ANKRD13C: variants seen among roughly 807,000 people sequenced by gnomAD.
ANKRD13C encodes ankyrin repeat domain 13C.
ANKRD13C carries 16 observed loss-of-function variants against 65.5 expected under a neutral mutation model. The ratio of observed to expected loss-of-function variants is 0.24; its 90% CI spans 0.17 to 0.37. The LOEUF is 0.37. ANKRD13C is among the 10% of genes least tolerant of loss of function. The pLI is 1.00. For missense variants in ANKRD13C, 503 were observed against 655.9 expected, an observed-to-expected ratio of 0.77 and a Z score of 2.55; for synonymous variants, 235 against 238.7, an observed-to-expected ratio of 0.98 and a Z score of 0.14.
intron 5 of ANKRD13C, among the ~76,000 whole-genome samples, chr1:70,308,422 T>C (rs1680681362): frequency 6.6e-6 from 1 of 150,998 alleles, no homozygotes; most frequent in Non-Finnish European, 1.5e-5. Context: ...AAGTTGAGGA[T>C]TGAGAGCAAA....
chr1:70,337,146 A>AC (rs1682076388), intron 1 of ANKRD13C, among the ~76,000 whole-genome samples: 1 of 145,350 alleles, frequency 6.9e-6, no homozygotes, highest in Non-Finnish European at 1.5e-5. Flanking sequence ...CCATGATTCA[A>AC]ACACACACAC....
At chr1:70,345,461 A>G (rs758402735) in intron 1 of ANKRD13C, among the ~76,000 whole-genome samples, 2 of 152,148 alleles carry the variant, frequency 1.3e-5, no homozygotes, top group Non-Finnish European at 2.9e-5. Context: ...TGTGAAATCT[A>G]AAATCATATA....
Position 70,279,221 on chromosome 1 carries a change from A to AAG in ANKRD13C, c.1216-2379_1216-2378dup, listed in dbSNP as rs150241152. 4.0e-3 allele frequency among the ~76,000 whole-genome samples: 608 copies of AAG among 151,656 alleles called. 3 individuals are homozygous for AAG. Among genetic ancestry groups the AAG allele is most frequent in the African/African-American group, 0.014 (567 of 41,356 alleles). On this transcript the variant is annotated intron_variant, in intron 9 of 12. Transcript: ENST00000370944. Reference sequence around the variant, plus strand: ...GACTCTGTCTCAAAAGAAATTAAAAAAGAGAGAGAGAGAGGGAAGCAGTAA... The same window carrying AAG: ...GACTCTGTCTCAAAAGAAATTAAAAAAGAGAGAGAGAGAGAGGGAAGCAGTAA...
rs112756942 is a variant in ANKRD13C at position 70,336,827 on chromosome 1, C to A, written c.431-728G>T. On this transcript the variant is annotated intron_variant, in intron 1 of 12. Coordinates refer to ENST00000370944, the MANE Select transcript of ANKRD13C (RefSeq NM_030816.5). ...TGATATTGGAATGATGAGCAAAAGA[C>A]AAAGACTTGAAAGCTGTGCTATGAA... Among the ~76,000 whole-genome samples the A allele has an allele frequency of 5.3e-3, 813 of 152,152 alleles. 10 individuals carry two copies. The highest frequency in any genetic ancestry group is 0.019 in the African/African-American group (783 of 41,520).
rs377593975 is a variant in ANKRD13C, at chr1:70,270,965, T to C, written c.1395-9A>G. 5.1e-6 allele frequency: 8 copies of C among 1,561,410 alleles called. No homozygotes were observed. The highest frequency in any genetic ancestry group is 1.7e-5 in the Admixed American group (1 of 58,190). ...CTAAAACATTCAATAATCTGAAAAATGGAAGAAGAAAAAAATGTTTTCATT... is the reference window on the plus strand; with the variant it reads ...CTAAAACATTCAATAATCTGAAAAACGGAAGAAGAAAAAAATGTTTTCATT... On this transcript the variant is annotated splice_polypyrimidine_tract_variant and intron_variant, in intron 11 of 12. Coordinates refer to ENST00000370944, the MANE Select transcript of ANKRD13C (RefSeq NM_030816.5).
intron 1 of ANKRD13C, among the ~76,000 whole-genome samples, chr1:70,351,867 A>C (rs142872139): frequency 0.013 from 2,019 of 152,252 alleles, 19 homozygotes; most frequent in Non-Finnish European, 0.019. Context: ...ACTAAATAAG[A>C]AGCACATTAA....
intron 9 of ANKRD13C, 23 bp from the exon 10 acceptor site, chr1:70,276,867 A>T: frequency 6.4e-7 from 1 of 1,551,928 alleles, no homozygotes; most frequent in Non-Finnish European, 8.7e-7. Flanking sequence ...AAAAAGAAAG[A>T]AAGTGGGGTG....
At chr1:70,352,244 G>A (rs1682771859) in intron 1 of ANKRD13C, among the ~76,000 whole-genome samples, 1 of 150,656 alleles carries the variant, frequency 6.6e-6, no homozygotes, top group South Asian at 2.1e-4. Flanking sequence ...GGAGGCTGAG[G>A]CAGGAGAATG....
intron 7 of ANKRD13C, among the ~76,000 whole-genome samples, chr1:70,299,089 A>AT (rs775082496): frequency 1.3e-5 from 2 of 151,836 alleles, no homozygotes; most frequent in Non-Finnish European, 2.9e-5. Flanking sequence ...TAATAGGAAC[A>AT]TAAGGACAAC....
chr1:70,305,801 AG>A (rs1185725745), intron 6 of ANKRD13C: 1 of 152,216 alleles, frequency 6.6e-6, no homozygotes, highest in East Asian at 1.9e-4. Context: ...ATTAGTAAAC[AG>A]GGGAAGGAAA....
chr1:70,287,873 A>C (rs1457295800), intron 9 of ANKRD13C, among the ~76,000 whole-genome samples: 1 of 152,152 alleles, frequency 6.6e-6, no homozygotes, highest in Non-Finnish European at 1.5e-5. Context: ...ATAAAAAGTT[A>C]ACTGGGCATG....
In ANKRD13C at chr1:70,291,689, C is replaced by A. The variant is rs565373064; in HGVS notation, c.1215+699G>T. On this transcript the variant is annotated intron_variant, in intron 9 of 12. Transcript: ENST00000370944. The stretch of plus-strand genomic sequence containing the variant: ...GCAGAAAGAATTAAGCACCTGTAAT[C>A]CCAGCTACTCGGGAGTCTGAGGCAG... Among the ~76,000 whole-genome samples, 33 of 152,268 alleles carry A rather than the reference C, an allele frequency of 2.2e-4. 1 individual carries two copies. In the South Asian group the frequency reaches 6.6e-3, roughly 31 times the overall value.
chr1:70,270,749 C>G (rs1678844234), intron 12 of ANKRD13C, 107 bp downstream of exon 12: 2 of 695,974 alleles, frequency 2.9e-6, no homozygotes, highest in Admixed American at 2.7e-5. Context: ...CACGAACCAA[C>G]AGAGGTGTTG....
At chr1:70,327,017 A>G (rs2101549317) in intron 2 of ANKRD13C, among the ~76,000 whole-genome samples, 1 of 151,966 alleles carries the variant, frequency 6.6e-6, no homozygotes, top group East Asian at 1.9e-4. Flanking sequence ...CCCAGTAATA[A>G]CTGGTTTAGG....
At position 70,352,288 on chromosome 1, in the gene ANKRD13C, G is replaced by A. The variant is rs1275758869; in HGVS notation, c.430+1691C>T. On this transcript the variant is annotated intron_variant, in intron 1 of 12. Transcript: ENST00000370944. ...CCGGGAGGCGGAGCTTGCAGTGAGC[G>A]GAGATTGCACCACTGCACTCCAGCC... 3.4e-5 allele frequency among the ~76,000 whole-genome samples: 5 copies of A among 145,506 alleles called. No homozygotes were observed. The South Asian group carries it at 8.7e-4, about 25-fold the overall frequency.
At chr1:70,313,214 G>C (rs1680921936) in intron 5 of ANKRD13C, among the ~76,000 whole-genome samples, 1 of 151,970 alleles carries the variant, frequency 6.6e-6, no homozygotes, top group South Asian at 2.1e-4. Context: ...AAAACTAAAA[G>C]TGCCATTTTC....
intron 4 of ANKRD13C, among the ~76,000 whole-genome samples, chr1:70,314,504 C>T (rs775538160): frequency 3.3e-5 from 5 of 151,834 alleles, no homozygotes; most frequent in Admixed American, 2.0e-4. Flanking sequence ...GGATTACAGG[C>T]GTGAGTCACC....
At chr1:70,300,621 T>C in intron 7 of ANKRD13C, 143 bp downstream of exon 7, 2 of 665,162 alleles carry the variant, frequency 3.0e-6, no homozygotes, top group East Asian at 3.3e-5. Flanking sequence ...AAAAGAAAGC[T>C]AGTGGTCAGG....
chr1:70,272,959 G>A (rs1678956798), intron 11 of ANKRD13C, among the ~76,000 whole-genome samples: 1 of 151,616 alleles, frequency 6.6e-6, no homozygotes, highest in Admixed American at 6.6e-5. Context: ...CTGCACTCCA[G>A]CCTTGGCAAC....
Sources: gnomAD v4.1 joint callset for allele counts (sites outside exome capture counted in the v4.1 genomes callset) on GRCh38, gnomAD v4.1.1 for gene constraint, MANE v1.5 for transcripts, NCBI Gene and HGNC (gene_info 2026-07-23, HGNC 2026-07-21) for gene names.